Variants in AGL observed in about 807,000 individuals in gnomAD.
AGL encodes glycogen debranching enzyme.
Under a neutral mutation model 199.3 loss-of-function variants are expected in AGL, and 128 were observed. The ratio of observed to expected loss-of-function variants is 0.64; its 90% confidence interval spans 0.56 to 0.74. AGL has a LOEUF of 0.74. Ranked by LOEUF, AGL falls within the 30% of genes least tolerant of loss-of-function variation. The pLI is 0.00. For synonymous variants in AGL, 584 were observed against 594.7 expected, an observed-to-expected ratio of 0.98 and a Z score of 0.26; for missense variants, 1,809 against 1,820.8, an observed-to-expected ratio of 0.99 and a Z score of 0.12.
chr1:99,894,330 G>C (rs1050222611), intron 24 of AGL, among the ~76,000 whole-genome samples: 1 of 152,154 alleles, frequency 6.6e-6, no homozygotes, highest in Non-Finnish European at 1.5e-5. Context: ...AGATTTTATA[G>C]TTTTGACTTT....
intron 26 of AGL, among the ~76,000 whole-genome samples, chr1:99,902,354 C>A (rs1653908373): frequency 6.6e-6 from 1 of 152,128 alleles, no homozygotes. Flanking sequence ...ATTTAAAATT[C>A]AGATGCTGGA....
chr1:99,897,114 C>T (rs1413877528), intron 25 of AGL, among the ~76,000 whole-genome samples: 2 of 152,134 alleles, frequency 1.3e-5, no homozygotes, highest in Admixed American at 6.5e-5. Context: ...CGTGCCCGGC[C>T]GTAAAATGGT....
chr1:99,859,020 T>TCC (rs1649808045), intron 2 of AGL, among the ~76,000 whole-genome samples: 2 of 152,166 alleles, frequency 1.3e-5, no homozygotes, highest in African/African-American at 4.8e-5. Context: ...AGATGAGTTT[T>TCC]AACCTTTGCT....
chr1:99,878,715 A>G (rs1391251786), intron 12 of AGL, among the ~76,000 whole-genome samples: 1 of 152,140 alleles, frequency 6.6e-6, no homozygotes, highest in Non-Finnish European at 1.5e-5. Flanking sequence ...GTCTATTTCT[A>G]TAATATTAAA....
chr1:99,868,297 A>T (rs989145548), intron 5 of AGL, among the ~76,000 whole-genome samples: 1 of 152,176 alleles, frequency 6.6e-6, no homozygotes, highest in Non-Finnish European at 1.5e-5. Context: ...GAAAAAAGAA[A>T]CAGTTTTAGG....
At chr1:99,856,626 A>G (rs2101068651) in intron 2 of AGL, among the ~76,000 whole-genome samples, 2 of 152,004 alleles carry the variant, frequency 1.3e-5, no homozygotes, top group African/African-American at 2.4e-5. Context: ...GGTACTTGAG[A>G]TTAGGGAGTG....
chr1:99,861,266 G>C (rs1344433455), intron 2 of AGL: 13 of 1,368,248 alleles, frequency 9.5e-6, no homozygotes, highest in Non-Finnish European at 1.2e-5. Context: ...GTTTCCAGGG[G>C]AAGGAGAAAG....
At position 99,916,629 on chromosome 1, in the gene AGL, G is replaced by A. The variant is rs546855663; in HGVS notation, c.4379G>A (p.Arg1460His). Residue 1460 changes from arginine to histidine, a missense_variant, in exon 33 of 34, where the codon CGT (arginine) becomes CAT (histidine). Transcript: ENST00000361915. The part of the protein sequence containing the change: ...EWLWPIGYFL[R>H]AKLYFSRLMG... ...CTGTGGCCTATTGGGTATTTTCTTC[G>A]TGCAAAATTATATTTTTCCAGATTG... 65 of 1,612,802 alleles carry A rather than the reference G, an allele frequency of 4.0e-5. 1 individual carries two copies. The South Asian group carries it at 5.4e-4, about 13-fold the overall frequency.
At position 99,913,738 on chromosome 1, in the gene AGL, G is replaced by C. The variant is rs1654918984; in HGVS notation, c.4161G>C (p.Val1387=). The C allele has an allele frequency of 6.2e-7, 1 of 1,612,966 alleles. No individual in the cohort carries two copies. ...CTAATTTTACCATAGCAATGGTTGT[G>C]GTAGGTGATTCGTTTGTAAAAACAT... is the stretch of plus-strand genomic sequence containing the variant. ...LRPNFTIAMV[V]APELFTTEKA... Residue 1387 remains valine (V), a splice_region_variant and synonymous_variant, in exon 30 of 34, where the codon GTG becomes GTC. Coordinates refer to ENST00000361915, the MANE Select transcript of AGL (RefSeq NM_000642.3).
Position 99,864,491 on chromosome 1 carries a change from A to G in AGL, c.566A>G (p.Asn189Ser), listed in dbSNP as rs1571232301. 6.2e-7 allele frequency: 1 copy of G among 1,613,884 alleles called. No homozygotes were observed. The change falls in exon 5 of 34, where the codon AAT (asparagine) becomes AGT (serine). Residue 189 changes from asparagine to serine, a missense_variant. Transcript: ENST00000361915. ...LELNPDFSRPNRKYTWNDVGQ... is the reference protein window; with the variant it reads ...LELNPDFSRPSRKYTWNDVGQ... ...TTAAATCCTGACTTTTCAAGACCTA[A>G]TAGAAAGTATACCTGGAATGATGTT... is the stretch of plus-strand genomic sequence containing the variant.
intron 5 of AGL, among the ~76,000 whole-genome samples, chr1:99,867,616 C>T (rs1197831158): frequency 6.6e-6 from 1 of 150,554 alleles, no homozygotes; most frequent in Admixed American, 6.6e-5. Flanking sequence ...AGTGCAGTGG[C>T]GCAGTCTTGG....
chr1:99,866,311 G>A (rs1650505187), intron 5 of AGL, among the ~76,000 whole-genome samples: 2 of 152,134 alleles, frequency 1.3e-5, no homozygotes, highest in South Asian at 4.1e-4. Flanking sequence ...TCTTACAAAA[G>A]ATTAGATAGG....
chr1:99,869,232 C>T (rs760252228), intron 5 of AGL, among the ~76,000 whole-genome samples: 2 of 152,048 alleles, frequency 1.3e-5, no homozygotes, highest in African/African-American at 2.4e-5. Context: ...TGATGAATCT[C>T]GGAGGAACTA....
intron 2 of AGL, among the ~76,000 whole-genome samples, chr1:99,856,266 A>G (rs1402342882): frequency 2.0e-5 from 3 of 151,034 alleles, no homozygotes; most frequent in South Asian, 2.1e-4. Context: ...TGATATATCT[A>G]TTGGGCTACA....
Position 99,915,496 on chromosome 1 carries a change from A to AAT in AGL, c.4259+14_4259+15dup. The AAT allele has an allele frequency of 6.3e-7, 1 of 1,587,144 alleles. No individual in the cohort carries two copies. Among genetic ancestry groups the AAT allele is most frequent in the Non-Finnish European group, 8.7e-7 (1 of 1,155,486 alleles). On this transcript the variant is annotated intron_variant, in intron 31 of 33. Coordinates refer to ENST00000361915, the MANE Select transcript of AGL (RefSeq NM_000642.3). ...AAACTTTAGATCCAGAGTAAGTTGGAATATAAGTATTAAGAATGTTATCAT... is the reference window on the plus strand; with the variant it reads ...AAACTTTAGATCCAGAGTAAGTTGGAATATATAAGTATTAAGAATGTTATCAT...
At chr1:99,910,319 C>A (rs11166373) in intron 27 of AGL, among the ~76,000 whole-genome samples, 1,726 of 152,260 alleles carry the variant, frequency 0.011, 40 homozygotes, top group African/African-American at 0.039. Flanking sequence ...CATTTTGATA[C>A]ATGTAAATCC....
chr1:99,921,561 G>A lies in AGL; in HGVS notation c.4509G>A (p.Leu1503=). 6.2e-7 allele frequency: 1 copy of A among 1,612,932 alleles called. No individual in the cohort carries two copies. Among genetic ancestry groups the A allele is most frequent in the Non-Finnish European group, 8.5e-7 (1 of 1,179,264 alleles). The change falls in exon 34 of 34, where the codon CTG becomes CTA. Residue 1503 remains leucine (L), a synonymous_variant. Coordinates refer to ENST00000361915, the MANE Select transcript of AGL (RefSeq NM_000642.3). Reference sequence around the variant, plus strand: ...CCCCTTGGAAAGGACTTCCAGAACTGACCAATGAGAATGCCCAGTACTGTC... The same window carrying A: ...CCCCTTGGAAAGGACTTCCAGAACTAACCAATGAGAATGCCCAGTACTGTC... The part of the protein sequence containing the change: ...ERSPWKGLPE[L]TNENAQYCPF...
At chr1:99,905,957 T>C (rs1438364667) in intron 27 of AGL, among the ~76,000 whole-genome samples, 1 of 152,204 alleles carries the variant, frequency 6.6e-6, no homozygotes, top group Admixed American at 6.5e-5. Flanking sequence ...CTATTGGTTT[T>C]TTTTATTGTG....
intron 7 of AGL, among the ~76,000 whole-genome samples, chr1:99,873,679 C>A (rs909462029): frequency 1.3e-5 from 2 of 152,138 alleles, no homozygotes; most frequent in African/African-American, 4.8e-5. Context: ...GGTGATCCAC[C>A]CACCTCAGCC....
Sources: allele counts gnomAD v4.1 joint callset (sites outside exome capture counted in the v4.1 genomes callset), GRCh38; gene constraint gnomAD v4.1.1; transcripts MANE v1.5; gene names NCBI Gene and HGNC (gene_info 2026-07-23, HGNC 2026-07-21).